COPA: variants seen among roughly 807,000 people sequenced by gnomAD.
COPA encodes the protein coatomer subunit alpha.
Under a neutral mutation model 158.7 loss-of-function variants are expected in COPA, and 10 were observed. That is an observed-to-expected ratio of 0.06 (90% confidence interval 0.04 to 0.11). COPA has a LOEUF of 0.11. Among genes scored for constraint, COPA ranks in the 10% least tolerant of loss-of-function variants. The pLI, the probability that COPA is intolerant of heterozygous loss-of-function variation, is 1.00. For missense variants in COPA, 1,065 were observed against 1,536.7 expected (o/e 0.69, Z 5.13); for synonymous variants, 462 against 542.8 (o/e 0.85, Z 2.07).
chr1:160,297,209 T>C, intron 21 of COPA, 134 bp downstream of exon 21: 1 of 768,926 alleles, frequency 1.3e-6, no homozygotes, highest in Non-Finnish European at 2.2e-6. Flanking sequence ...CTAAGCACAG[T>C]AGGAGCATGT....
chr1:160,316,754 A>G (rs1176665057), intron 8 of COPA, among the ~76,000 whole-genome samples: 1 of 151,960 alleles, frequency 6.6e-6, no homozygotes, highest in Non-Finnish European at 1.5e-5. Flanking sequence ...CTGTCTCAAA[A>G]AAAAAAAAAA....
intron 17 of COPA, among the ~76,000 whole-genome samples, chr1:160,299,751 T>C (rs1453513984): frequency 1.3e-5 from 2 of 152,178 alleles, no homozygotes; most frequent in Non-Finnish European, 2.9e-5. Flanking sequence ...AGAAGAAATA[T>C]TAAAAATTAT....
intron 8 of COPA, among the ~76,000 whole-genome samples, chr1:160,316,981 C>T (rs182041854): frequency 6.6e-6 from 1 of 152,074 alleles, no homozygotes; most frequent in East Asian, 1.9e-4. Context: ...TCCTAAAATA[C>T]ACAACAGAAA....
chr1:160,292,330 A>C (rs1658267466), intron 28 of COPA, 132 bp from the exon 29 acceptor site: 1 of 1,546,676 alleles, frequency 6.5e-7, no homozygotes, highest in African/African-American at 1.4e-5. Context: ...GGATGACAGC[A>C]GGTGTAAACC....
At chr1:160,294,746 A>G in intron 24 of COPA, 22 bp downstream of exon 24, 1 of 1,613,228 alleles carries the variant, frequency 6.2e-7, no homozygotes, top group Non-Finnish European at 8.5e-7. Flanking sequence ...ACCCCAGAAC[A>G]GTCTTAAAAC....
At chr1:160,315,637 A>T (rs900958395) in intron 8 of COPA, among the ~76,000 whole-genome samples, 2 of 152,214 alleles carry the variant, frequency 1.3e-5, no homozygotes, top group African/African-American at 4.8e-5. Flanking sequence ...TTGCTAAGCA[A>T]ATATATCCAA....
chr1:160,318,079 G>A (rs1281469996), intron 8 of COPA, among the ~76,000 whole-genome samples: 1 of 152,152 alleles, frequency 6.6e-6, no homozygotes, highest in East Asian at 1.9e-4. Context: ...CTCCTGGACT[G>A]TGACTTTCAG....
Position 160,305,693 on chromosome 1 carries a change from T to G in COPA, c.1523A>C (p.Lys508Thr). The G allele has an allele frequency of 6.2e-7, 1 of 1,614,162 alleles. No individual in the cohort carries two copies. The highest frequency in any genetic ancestry group is 1.1e-5 in the South Asian group (1 of 91,078). The change falls in exon 16 of 33, where the codon AAA becomes ACA. Residue 508 changes from lysine to threonine, a missense_variant. Transcript: ENST00000241704. ...ADMSHVALLA[K>T]HAIVICNRKL... ...TGGATATAATGAAGACTCACCGTGT[T>G]TGGCTAGTAGTGCTACATGTGACAT...
At position 160,289,594 on chromosome 1, in the gene COPA, CTTT is replaced by C. The variant is rs5778156; in HGVS notation, c.*560_*562del. The C allele has an allele frequency of 7.0e-5, 10 of 142,874 alleles. No homozygotes were observed. The highest frequency in any genetic ancestry group is 1.1e-4 in the Non-Finnish European group (7 of 65,244). The allele number at this position is 142,874 out of a possible 1,614,324, so 8.9% of individuals were successfully genotyped here. ...AACAAATGTCCATCACAGAGTTTTC[CTTT>C]TTTTTTTTTTTGAGACAGAGTCTTG... On this transcript the variant is annotated 3_prime_UTR_variant, in exon 33 of 33. Transcript: ENST00000241704.
chr1:160,339,868 T>C, intron 3 of COPA, 41 bp downstream of exon 3: 1 of 1,568,922 alleles, frequency 6.4e-7, no homozygotes, highest in Non-Finnish European at 8.8e-7. Context: ...CCTTCCCACA[T>C]CCTCTTTCCT....
At chr1:160,302,708 C>T (rs1658653101) in intron 17 of COPA, among the ~76,000 whole-genome samples, 1 of 151,918 alleles carries the variant, frequency 6.6e-6, no homozygotes, top group Admixed American at 6.6e-5. Flanking sequence ...GCGCCCACCA[C>T]CACGCCCAGC....
rs1215896211 is a variant in COPA at position 160,332,555 on chromosome 1, A to G, written c.389T>C (p.Val130Ala). Residue 130 changes from valine to alanine, a missense_variant and splice_region_variant, in exon 6 of 33, where the codon GTG (valine) becomes GCG (alanine). By Grantham distance (64) the Val-to-Ala change is moderately conservative. Coordinates refer to ENST00000241704, the MANE Select transcript of COPA (RefSeq NM_004371.4). ...CACATAATGGTTGTGCCCTGTTAAC[A>G]CACTGCAAGAAAAAAAAAAGACAAT... ...WNWQSRTCVCVLTGHNHYVMC... is the reference protein window; with the variant it reads ...WNWQSRTCVCALTGHNHYVMC... 1 of 1,595,604 alleles carries G rather than the reference A, an allele frequency of 6.3e-7. No homozygotes were observed. Among genetic ancestry groups the G allele is most frequent in the Non-Finnish European group, 8.5e-7 (1 of 1,173,970 alleles).
rs7527140 is a variant in COPA at position 160,336,453 on chromosome 1, G to C, written c.229-1131C>G. Among the ~76,000 whole-genome samples the C allele has an allele frequency of 1.7e-3, 263 of 152,218 alleles. 2 individuals are homozygous for C. The highest frequency in any genetic ancestry group is 6.0e-3 in the African/African-American group (251 of 41,532). On this transcript the variant is annotated intron_variant, in intron 3 of 32. Coordinates refer to ENST00000241704, the MANE Select transcript of COPA (RefSeq NM_004371.4). The stretch of plus-strand genomic sequence containing the variant: ...AACAACGCCCATACATGTGTGGTCT[G>C]TACTCACCTGTCAAGCAAACAGACC...
intron 3 of COPA, among the ~76,000 whole-genome samples, chr1:160,336,297 C>G (rs1647757868): frequency 6.6e-6 from 1 of 150,552 alleles, no homozygotes; most frequent in African/African-American, 2.5e-5. Context: ...CGCTCCACTG[C>G]ACTCCAGCCT....
intron 17 of COPA, among the ~76,000 whole-genome samples, chr1:160,302,295 A>T (rs1047075408): frequency 1.3e-5 from 2 of 152,164 alleles, no homozygotes; most frequent in Non-Finnish European, 2.9e-5. Context: ...TACAAACAGA[A>T]TTTTAAAACC....
At chr1:160,306,758 CA>C (rs1044851390) in intron 14 of COPA, among the ~76,000 whole-genome samples, 3 of 152,170 alleles carry the variant, frequency 2.0e-5, no homozygotes, top group African/African-American at 7.2e-5. Flanking sequence ...AGAGAGAAAA[CA>C]CTGTTTCTGG....
chr1:160,306,000 G>A (rs1289728574), intron 15 of COPA: 3 of 590,736 alleles, frequency 5.1e-6, no homozygotes, highest in East Asian at 5.6e-5. Flanking sequence ...TCATTTCCTT[G>A]TATTATTAGG....
chr1:160,335,833 G>A (rs1160049964), intron 3 of COPA, among the ~76,000 whole-genome samples: 9 of 127,980 alleles, frequency 7.0e-5, no homozygotes, highest in South Asian at 4.8e-4. Flanking sequence ...GCAGTGAGCC[G>A]AAATCATGCC....
At chr1:160,328,342 T>A (rs529524590) in intron 6 of COPA, among the ~76,000 whole-genome samples, 3 of 152,218 alleles carry the variant, frequency 2.0e-5, no homozygotes, top group Non-Finnish European at 4.4e-5. Flanking sequence ...AAGGCTTTGT[T>A]GCATTTGCGT....
Sources: allele counts gnomAD v4.1 joint callset (sites outside exome capture counted in the v4.1 genomes callset), GRCh38; gene constraint gnomAD v4.1.1; transcripts MANE v1.5; gene names NCBI Gene and HGNC (gene_info 2026-07-23, HGNC 2026-07-21).